SLCO5A1: variants seen among roughly 807,000 people sequenced by gnomAD.
SLCO5A1 encodes organic anion transporter polypeptide-related protein 4.
A neutral mutation model predicts 65.1 loss-of-function variants in SLCO5A1; 39 were observed. That is an observed-to-expected ratio of 0.60 (90% CI 0.46 to 0.78). The LOEUF (loss-of-function observed/expected upper bound fraction) is 0.78, where lower values mean the gene tolerates loss of function less well. SLCO5A1 is among the 30% of genes least tolerant of loss of function. SLCO5A1 has a pLI of 0.00. For missense variants in SLCO5A1, 1,029 were observed against 1,069.4 expected (o/e 0.96, Z 0.53); for synonymous variants, 438 against 415.7 (o/e 1.05, Z -0.65).
intron 2 of SLCO5A1, among the ~76,000 whole-genome samples, chr8:69,791,823 A>C (rs1452579390): frequency 2.0e-5 from 3 of 152,254 alleles, no homozygotes; most frequent in Non-Finnish European, 2.9e-5. Flanking sequence ...TAAGTGAATT[A>C]CAGAAGGCTT....
At chr8:69,778,831 A>G (rs775199515) in intron 2 of SLCO5A1, among the ~76,000 whole-genome samples, 3 of 152,158 alleles carry the variant, frequency 2.0e-5, no homozygotes, top group East Asian at 3.8e-4. Context: ...AACATCAATA[A>G]TCTCTGAAGA....
intron 2 of SLCO5A1, among the ~76,000 whole-genome samples, chr8:69,825,800 A>C (rs1403821664): frequency 1.3e-5 from 2 of 152,190 alleles, no homozygotes; most frequent in Non-Finnish European, 2.9e-5. Context: ...ATATGGAACC[A>C]AAAAAGAGCC....
At chr8:69,810,355 G>A (rs142974038) in intron 2 of SLCO5A1, among the ~76,000 whole-genome samples, 147 of 152,288 alleles carry the variant, frequency 9.7e-4, no homozygotes, top group African/African-American at 3.5e-3. Flanking sequence ...GGTAAGAAGC[G>A]GAGCCTACAG....
At chr8:69,828,457 C>G (rs1439317717) in intron 2 of SLCO5A1, among the ~76,000 whole-genome samples, 1 of 151,954 alleles carries the variant, frequency 6.6e-6, no homozygotes, top group Non-Finnish European at 1.5e-5. Context: ...AAAAAATTAG[C>G]TGGGCGTGGT....
intron 2 of SLCO5A1, among the ~76,000 whole-genome samples, chr8:69,788,923 A>G (rs562415111): frequency 2.0e-5 from 3 of 152,198 alleles, no homozygotes; most frequent in Non-Finnish European, 2.9e-5. Flanking sequence ...AACCTAAAAG[A>G]TTTGAATGCA....
chr8:69,744,317 T>G (rs571667441), intron 4 of SLCO5A1, among the ~76,000 whole-genome samples: 2 of 152,324 alleles, frequency 1.3e-5, no homozygotes, highest in South Asian at 4.1e-4. Flanking sequence ...CCTTCCACTC[T>G]GTAGTCCTAC....
At chr8:69,740,166 C>A (rs960546788) in intron 4 of SLCO5A1, among the ~76,000 whole-genome samples, 1 of 152,196 alleles carries the variant, frequency 6.6e-6, no homozygotes, top group East Asian at 1.9e-4. Flanking sequence ...GAAGTTCAGA[C>A]CTTCAACGAC....
chr8:69,706,781 C>T (rs1273095642), intron 5 of SLCO5A1, among the ~76,000 whole-genome samples: 1 of 152,194 alleles, frequency 6.6e-6, no homozygotes, highest in Non-Finnish European at 1.5e-5. Context: ...GACAGTTACA[C>T]AGTGTTAACT....
At chr8:69,687,966 C>G (rs72660124) in intron 6 of SLCO5A1, among the ~76,000 whole-genome samples, 3 of 151,788 alleles carry the variant, frequency 2.0e-5, no homozygotes, top group African/African-American at 7.3e-5. Context: ...GAAATAAAAA[C>G]TTATCATGTT....
rs151053968 is a variant in SLCO5A1 at position 69,761,784 on chromosome 8, A to G, written c.999T>C (p.Pro333=). The G allele has an allele frequency of 6.2e-7, 1 of 1,613,936 alleles. No homozygotes were observed. Among genetic ancestry groups the G allele is most frequent in the Admixed American group, 1.7e-5 (1 of 60,002 alleles). The change falls in exon 3 of 10, where the codon CCT becomes CCC. Residue 333 remains proline, a synonymous_variant. Transcript: ENST00000260126. ...GAGGGTCATTCTGGTCAAGGTGAAC[A>G]GGATTTCTGGGATCAACATAAAAAC... ...LIGFYVDPRN[P]VHLDQNDPRF...
chr8:69,759,281 C>T (rs1817657710), intron 3 of SLCO5A1, among the ~76,000 whole-genome samples: 1 of 152,142 alleles, frequency 6.6e-6, no homozygotes, highest in African/African-American at 2.4e-5. Context: ...CAATAAAATT[C>T]AAATTCATGT....
chr8:69,776,540 A>G (rs1480382916), intron 2 of SLCO5A1, among the ~76,000 whole-genome samples: 1 of 152,094 alleles, frequency 6.6e-6, no homozygotes, highest in Non-Finnish European at 1.5e-5. Context: ...AAATACAAAA[A>G]TTAGCTGAGC....
intron 2 of SLCO5A1, among the ~76,000 whole-genome samples, chr8:69,821,414 G>C (rs994593289): frequency 6.7e-6 from 1 of 150,256 alleles, no homozygotes; most frequent in Non-Finnish European, 1.5e-5. Context: ...ATAAAGAAGA[G>C]GAAGAAGAAG....
chr8:69,693,606 A>G (rs987602292), intron 6 of SLCO5A1, among the ~76,000 whole-genome samples: 28 of 152,216 alleles, frequency 1.8e-4, no homozygotes, highest in African/African-American at 7.2e-5. Flanking sequence ...ACCCTAGCTC[A>G]GCCATTTTCT....
At chr8:69,704,944 G>C (rs896393286) in intron 6 of SLCO5A1, 87 bp downstream of exon 6, 29 of 1,225,194 alleles carry the variant, frequency 2.4e-5, no homozygotes, top group Non-Finnish European at 3.1e-5. Context: ...GGAGGGAGGG[G>C]TATGAGGCTG....
chr8:69,826,939 C>T (rs1185159066), intron 2 of SLCO5A1, among the ~76,000 whole-genome samples: 1 of 152,060 alleles, frequency 6.6e-6, no homozygotes, highest in Non-Finnish European at 1.5e-5. Context: ...AAACGTGGCA[C>T]ATATACACCA....
intron 2 of SLCO5A1, among the ~76,000 whole-genome samples, chr8:69,773,909 A>G (rs1437835205): frequency 1.3e-5 from 2 of 151,834 alleles, no homozygotes; most frequent in African/African-American, 4.8e-5. Flanking sequence ...ACAGTGTTCC[A>G]CACATCTACA....
At chr8:69,784,862 A>AGAAAGAAAGAAG in intron 2 of SLCO5A1, among the ~76,000 whole-genome samples, 1 of 115,730 alleles carries the variant, frequency 8.6e-6, no homozygotes. Context: ...AAAGAAAGAA[A>AGAAAGAAAGAAG]GGGAAGGAAG....
At chr8:69,723,046 A>C (rs1207183480) in intron 5 of SLCO5A1, among the ~76,000 whole-genome samples, 1 of 152,204 alleles carries the variant, frequency 6.6e-6, no homozygotes, top group Non-Finnish European at 1.5e-5. Flanking sequence ...CTACTGAAGA[A>C]TCTAGATTTT....
Sources: allele counts gnomAD v4.1 joint callset (sites outside exome capture counted in the v4.1 genomes callset), GRCh38; gene constraint gnomAD v4.1.1; transcripts MANE v1.5; gene names NCBI Gene and HGNC (gene_info 2026-07-23, HGNC 2026-07-21).